Variants in SCN1A observed in about 807,000 individuals in gnomAD.
SCN1A encodes the protein sodium channel protein type 1 subunit alpha.
SCN1A carries 13 observed loss-of-function variants against 193.7 expected under a neutral mutation model. The ratio of observed to expected loss-of-function variants is 0.07; its 90% CI spans 0.04 to 0.11. The LOEUF (loss-of-function observed/expected upper bound fraction) is 0.11. Among genes scored for constraint, SCN1A ranks in the 10% least tolerant of loss-of-function variants. SCN1A has a pLI of 1.00. For missense variants in SCN1A, 1,432 were observed against 2,451.1 expected (o/e 0.58, Z 8.78); for synonymous variants, 781 against 843.6 (o/e 0.93, Z 1.29).
intron 23 of SCN1A, among the ~76,000 whole-genome samples, chr2:166,005,293 T>C (rs1347627337): frequency 6.6e-6 from 1 of 151,462 alleles, no homozygotes; most frequent in Non-Finnish European, 1.5e-5. Context: ...TAGATTAGTA[T>C]TTATTGATCA....
chr2:166,137,186 T>G (rs1691897070), intron 1 of SCN1A, among the ~76,000 whole-genome samples: 1 of 152,084 alleles, frequency 6.6e-6, no homozygotes, highest in Non-Finnish European at 1.5e-5. Flanking sequence ...CTGGGGAAAA[T>G]AACAATGTGT....
chr2:166,029,135 A>G (rs1695206129), intron 19 of SCN1A, among the ~76,000 whole-genome samples: 2 of 152,106 alleles, frequency 1.3e-5, no homozygotes, highest in South Asian at 4.2e-4. Flanking sequence ...CATGATACTG[A>G]AGGAGTCAGC....
chr2:166,112,766 G>T (rs1689433398), intron 2 of SCN1A, among the ~76,000 whole-genome samples: 1 of 152,106 alleles, frequency 6.6e-6, no homozygotes, highest in Admixed American at 6.6e-5. Context: ...ATAGCTTCAG[G>T]ATTGAGGCTA....
intron 19 of SCN1A, among the ~76,000 whole-genome samples, chr2:166,017,005 C>T (rs1693400218): frequency 6.7e-6 from 1 of 149,260 alleles, no homozygotes; most frequent in African/African-American, 2.5e-5. Flanking sequence ...ATGTCTGGGT[C>T]CATATCTAGT....
At chr2:166,140,291 C>G (rs1692027670) in intron 1 of SCN1A, among the ~76,000 whole-genome samples, 1 of 152,104 alleles carries the variant, frequency 6.6e-6, no homozygotes, top group African/African-American at 2.4e-5. Context: ...GGCAAACAAA[C>G]AGAAGACAAT....
chr2:166,131,121 T>C (rs1691641789), upstream of SCN1A, among the ~76,000 whole-genome samples: 1 of 152,164 alleles, frequency 6.6e-6, no homozygotes, highest in Admixed American at 6.6e-5. Context: ...TTCTCACTGT[T>C]ACGTTTCCAA....
intron 1 of SCN1A, among the ~76,000 whole-genome samples, chr2:166,138,183 G>A (rs1012610483): frequency 6.6e-6 from 1 of 152,210 alleles, no homozygotes; most frequent in Non-Finnish European, 1.5e-5. Context: ...AAAATTTGCA[G>A]CCTGACAATG....
chr2:166,033,269 G>C (rs1390690750), intron 19 of SCN1A, among the ~76,000 whole-genome samples: 1 of 152,122 alleles, frequency 6.6e-6, no homozygotes, highest in Non-Finnish European at 1.5e-5. Flanking sequence ...TGAAGCTTAA[G>C]AACTCCTGGA....
rs2105399547 is a variant in SCN1A, at chr2:165,986,674, T to C, written c.*4571A>G. On this transcript the variant is annotated 3_prime_UTR_variant, in exon 29 of 29. Transcript: ENST00000674923. ...ATATGATAGTGTGAACACGCAGACA[T>C]AGGCACTTCAGTAACACACAGCAAA... is the stretch of plus-strand genomic sequence containing the variant. The C allele has an allele frequency of 7.3e-6, 1 of 136,596 alleles. No individual in the cohort carries two copies. Among genetic ancestry groups the C allele is most frequent in the East Asian group, 2.1e-4 (1 of 4,732 alleles). 8.5% of individuals were successfully genotyped at this position (136,596 alleles called of 1,614,324 possible). A position where few individuals can be genotyped will look rare whatever the true frequency, so the allele number is the denominator to read the frequency against.
Position 166,054,697 on chromosome 2 carries a change from T to C in SCN1A, c.543A>G (p.Glu181=). Residue 181 remains glutamate (E), a synonymous_variant, in exon 7 of 29, where the codon GAA becomes GAG. Coordinates refer to ENST00000674923, the MANE Select transcript of SCN1A (RefSeq NM_001165963.4). ...IKIIARGFCL[E]DFTFLRDPWN... ...ATGGATCCCGAAGGAAAGTAAAATC[T>C]TCTAAACAGAATCCCCTTGCAATAA... The C allele has an allele frequency of 6.2e-7, 1 of 1,612,230 alleles. No individual in the cohort carries two copies. The highest frequency in any genetic ancestry group is 1.1e-5 in the South Asian group (1 of 91,042).
At chr2:166,026,357 G>A (rs553131072) in intron 19 of SCN1A, among the ~76,000 whole-genome samples, 1 of 152,144 alleles carries the variant, frequency 6.6e-6, no homozygotes, top group South Asian at 2.1e-4. Context: ...TTCTTTATTT[G>A]ATTGGGATAA....
chr2:166,060,233 C>T (rs1683146081), intron 4 of SCN1A: 1 of 152,168 alleles, frequency 6.6e-6, no homozygotes, highest in African/African-American at 2.4e-5. Context: ...GTCCAGAAAA[C>T]AGATAGAGCT....
chr2:166,063,875 T>G lies in SCN1A; in HGVS notation c.265-5187A>C, dbSNP rs879695162. Among the ~76,000 whole-genome samples the G allele has an allele frequency of 3.3e-5, 5 of 152,238 alleles. 1 individual carries two copies. Among genetic ancestry groups the G allele is most frequent in the South Asian group, 4.1e-4 (2 of 4,826 alleles). ...TTTGAAATATGGAGTTACACTTACA[T>G]ATTTCAAATACTCAATAGCTACACA... On this transcript the variant is annotated intron_variant, in intron 4 of 28. Coordinates refer to ENST00000674923, the MANE Select transcript of SCN1A (RefSeq NM_001165963.4).
chr2:165,987,243 T>A lies in SCN1A; in HGVS notation c.*4002A>T, dbSNP rs1273290639. ...GAAGTAATGTGGCCCTTTCAGTATATCTTATCAGGAGGCACATAGTATCAG... is the reference window on the plus strand; with the variant it reads ...GAAGTAATGTGGCCCTTTCAGTATAACTTATCAGGAGGCACATAGTATCAG... On this transcript the variant is annotated 3_prime_UTR_variant, in exon 29 of 29. Coordinates refer to ENST00000674923, the MANE Select transcript of SCN1A (RefSeq NM_001165963.4). The A allele has an allele frequency of 1.3e-5, 2 of 152,176 alleles. No homozygotes were observed. Among genetic ancestry groups the A allele is most frequent in the Non-Finnish European group, 2.9e-5 (2 of 68,008 alleles). The allele number at this position is 152,176 out of a possible 1,614,324, so 9.4% of individuals were successfully genotyped here. A position where few individuals can be genotyped will look rare whatever the true frequency, so the allele number is the denominator to read the frequency against.
At chr2:166,058,823 G>A (rs760239750) in intron 4 of SCN1A, 135 bp from the exon 5 acceptor site, 9 of 643,374 alleles carry the variant, frequency 1.4e-5, no homozygotes, top group Non-Finnish European at 2.6e-5. Context: ...TTTCTAAAGT[G>A]CCCCATGAAA....
At chr2:166,028,652 G>A (rs1307929897) in intron 19 of SCN1A, among the ~76,000 whole-genome samples, 1 of 152,108 alleles carries the variant, frequency 6.6e-6, no homozygotes, top group African/African-American at 2.4e-5. Flanking sequence ...CATGAATAAC[G>A]TTTGGCGTAT....
At position 165,994,274 on chromosome 2, in the gene SCN1A, C is replaced by G. The variant is rs368834365; in HGVS notation, c.4724G>C (p.Arg1575Pro). The G allele has an allele frequency of 6.2e-7, 1 of 1,613,106 alleles. No homozygotes were observed. Among genetic ancestry groups the G allele is most frequent in the Non-Finnish European group, 8.5e-7 (1 of 1,179,468 alleles). Residue 1575 changes from arginine to proline, a missense_variant, in exon 28 of 29, where the codon CGC becomes CCC. Coordinates refer to ENST00000674923, the MANE Select transcript of SCN1A (RefSeq NM_001165963.4). ...QSEYVTTILS[R>P]INLVFIVLFT... The stretch of plus-strand genomic sequence containing the variant: ...TAGCACAATGAACACCAGATTGATG[C>G]GTGACAAAATGGTAGTCACATATTC...
At chr2:166,084,297 G>A (rs1685863983) in intron 2 of SCN1A, among the ~76,000 whole-genome samples, 1 of 141,942 alleles carries the variant, frequency 7.0e-6, no homozygotes, top group African/African-American at 2.7e-5. Context: ...TCTGGACTGT[G>A]CCTCTCCTTT....
rs552690713 is a variant in SCN1A, at chr2:166,103,955, C to G, written c.-142+22969G>C. Among the ~76,000 whole-genome samples, 12 of 152,324 alleles carry G rather than the reference C, an allele frequency of 7.9e-5. No individual in the cohort carries two copies. In the South Asian group the frequency reaches 2.3e-3, roughly 29 times the overall value. ...ATAGCTAGAGCTGATTTGTCTGACT[C>G]TAGCCCTAGTTTCTTTCCATTATAT... On this transcript the variant is annotated intron_variant, in intron 2 of 28. Transcript: ENST00000674923.
Sources: gnomAD v4.1 joint callset for allele counts (sites outside exome capture counted in the v4.1 genomes callset) on GRCh38, gnomAD v4.1.1 for gene constraint, MANE v1.5 for transcripts, NCBI Gene and HGNC (gene_info 2026-07-23, HGNC 2026-07-21) for gene names.